CCDC3: variants seen among roughly 807,000 people sequenced by gnomAD.
The protein encoded by CCDC3 is coiled-coil domain containing 3.
In CCDC3, 24 loss-of-function variants were observed where a neutral mutation model predicts 21.4. That is an observed-to-expected ratio of 1.12 (90% CI 0.81 to 1.58). CCDC3 has a LOEUF of 1.58. Among genes scored for constraint, CCDC3 ranks in the 40% most tolerant of loss-of-function variants. The pLI is 0.00. For synonymous variants in CCDC3, 186 were observed against 166.0 expected (o/e 1.12, Z -0.93); for missense variants, 425 against 360.9 (o/e 1.18, Z -1.44).
intron 2 of CCDC3, chr10:13,098,710 A>ATTTTTTTTTTTTTTTTTTGTTTTTT (rs1832667338): frequency 1.5e-5 from 1 of 64,854 alleles, no homozygotes; most frequent in African/African-American, 6.6e-5. Context: ...TCCTGCACTG[A>ATTTTTTTTTTTTTTTTTTGTTTTTT]TTTTTTTTTT....
intron 3 of CCDC3, among the ~76,000 whole-genome samples, chr10:13,091,781 T>C (rs1191038916): frequency 7.3e-6 from 1 of 136,274 alleles, no homozygotes; most frequent in African/African-American, 2.8e-5. Context: ...GGAAGTTCCC[T>C]AAGTGTCTGA....
At chr10:13,003,911 C>T (rs1325375655), upstream of CCDC3, among the ~76,000 whole-genome samples, 1 of 152,200 alleles carries the variant, frequency 6.6e-6, no homozygotes, top group African/African-American at 2.4e-5. Flanking sequence ...TCAGCAGACA[C>T]ATCAGTCATG....
chr10:13,097,370 T>G (rs1369840304), intron 3 of CCDC3, among the ~76,000 whole-genome samples: 1 of 152,132 alleles, frequency 6.6e-6, no homozygotes, highest in African/African-American at 2.4e-5. Context: ...GAAGACGTAT[T>G]TCCTCTTTAA....
chr10:12,992,067 TA>T (rs34433198), intron 2 of CCDC3, among the ~76,000 whole-genome samples: 34,672 of 145,628 alleles, frequency 0.24, 4,020 homozygotes, highest in Admixed American at 0.31. Flanking sequence ...ATATTTGGAT[TA>T]AAAAAAAAAA....
At position 12,914,506 on chromosome 10, in the gene CCDC3, C is replaced by T. The variant is rs140788309; in HGVS notation, c.550-15827G>A. Among the ~76,000 whole-genome samples the T allele has an allele frequency of 3.9e-3, 598 of 152,126 alleles. 3 individuals are homozygous for T. The highest frequency in any genetic ancestry group is 0.014 in the African/African-American group (571 of 41,520). On this transcript the variant is annotated intron_variant, in intron 2 of 2. Coordinates refer to ENST00000378825, the MANE Select transcript of CCDC3 (RefSeq NM_031455.4). ...TGTCACCCAGGCTGAAGTGCAGTGG[C>T]GTGTCCTTGGCTCACTGCAACCTCC...
At chr10:13,021,895 G>A (rs768055401) in intron 5 of CCDC3, among the ~76,000 whole-genome samples, 3 of 152,080 alleles carry the variant, frequency 2.0e-5, no homozygotes, top group African/African-American at 4.8e-5. Flanking sequence ...AAGTAGCTGG[G>A]ATTACAGGTG....
intron 5 of CCDC3, among the ~76,000 whole-genome samples, chr10:13,035,047 T>A (rs1413390467): frequency 5.7e-5 from 8 of 139,346 alleles, no homozygotes; most frequent in Admixed American, 3.6e-4. Context: ...AAAAAAAAAT[T>A]AAAAAAAAAA....
intron 2 of CCDC3, among the ~76,000 whole-genome samples, chr10:12,943,691 G>GGTCTGACCA (rs1834869223): frequency 6.6e-6 from 1 of 152,126 alleles, no homozygotes; most frequent in Non-Finnish European, 1.5e-5. Context: ...TGGCACACCT[G>GGTCTGACCA]GTCTGACCAG....
intron 5 of CCDC3, among the ~76,000 whole-genome samples, chr10:13,047,477 C>T (rs1409290492): frequency 2.0e-5 from 3 of 152,216 alleles, no homozygotes; most frequent in African/African-American, 7.2e-5. Flanking sequence ...GCTTTCTATT[C>T]TTTCTGCCTC....
intron 2 of CCDC3, among the ~76,000 whole-genome samples, chr10:12,990,264 A>G (rs1479191460): frequency 6.5e-5 from 5 of 76,476 alleles, no homozygotes; most frequent in South Asian, 7.1e-4. Flanking sequence ...CGTCTCAACC[A>G]AAAAAAAAAA....
At chr10:13,062,734 G>C (rs1836772746) in intron 4 of CCDC3, among the ~76,000 whole-genome samples, 1 of 152,100 alleles carries the variant, frequency 6.6e-6, no homozygotes, top group Non-Finnish European at 1.5e-5. Context: ...GATTGCCTTC[G>C]TAGGACTAAC....
chr10:12,970,077 G>A (rs377373098), intron 2 of CCDC3, among the ~76,000 whole-genome samples: 1 of 152,212 alleles, frequency 6.6e-6, no homozygotes, highest in South Asian at 2.1e-4. Context: ...TAATGTATGG[G>A]TTTTTAGGGT....
At chr10:12,946,600 C>T (rs931333748) in intron 2 of CCDC3, among the ~76,000 whole-genome samples, 14 of 152,326 alleles carry the variant, frequency 9.2e-5, no homozygotes, top group African/African-American at 3.4e-4. Flanking sequence ...AAGCAGAGCT[C>T]TCTGAACCTA....
At chr10:12,911,280 TA>T (rs530467769) in intron 2 of CCDC3, among the ~76,000 whole-genome samples, 4 of 152,170 alleles carry the variant, frequency 2.6e-5, no homozygotes, top group Non-Finnish European at 5.9e-5. Flanking sequence ...TCCACTAGAC[TA>T]AAAAACGGGG....
At chr10:13,075,226 A>G (rs1836947945) in intron 3 of CCDC3, among the ~76,000 whole-genome samples, 1 of 152,214 alleles carries the variant, frequency 6.6e-6, no homozygotes. Flanking sequence ...GCTGGTGCAT[A>G]AAGTGCCTTT....
chr10:12,902,852 T>G (rs892021596), intron 2 of CCDC3, among the ~76,000 whole-genome samples: 2 of 152,074 alleles, frequency 1.3e-5, no homozygotes, highest in African/African-American at 4.8e-5. Flanking sequence ...AAGGAAGACC[T>G]TGACCCAGGC....
chr10:13,050,187 G>A (rs1836585721), intron 4 of CCDC3, among the ~76,000 whole-genome samples: 1 of 152,206 alleles, frequency 6.6e-6, no homozygotes, highest in South Asian at 2.1e-4. Context: ...GTGGCCGTGG[G>A]TGTGGAATTG....
chr10:12,965,990 A>C (rs1835257028), intron 2 of CCDC3, among the ~76,000 whole-genome samples: 1 of 152,204 alleles, frequency 6.6e-6, no homozygotes, highest in South Asian at 2.1e-4. Flanking sequence ...AAGTTTCTCC[A>C]GCACAGAGTG....
At chr10:13,097,614 C>G (rs1832644534) in intron 3 of CCDC3, among the ~76,000 whole-genome samples, 1 of 152,158 alleles carries the variant, frequency 6.6e-6, no homozygotes, top group African/African-American at 2.4e-5. Flanking sequence ...ATCCCAGCCA[C>G]TTGGGAGGCT....
Sources: gnomAD v4.1 joint callset for allele counts (sites outside exome capture counted in the v4.1 genomes callset) on GRCh38, gnomAD v4.1.1 for gene constraint, MANE v1.5 for transcripts, NCBI Gene and HGNC (gene_info 2026-07-23, HGNC 2026-07-21) for gene names.